ZNF26: variants seen among roughly 807,000 people sequenced by gnomAD.
ZNF26 encodes zinc finger protein 26, also known as epididymis luminal protein 179.
Under a neutral mutation model 54.9 loss-of-function variants are expected in ZNF26, and 32 were observed. That is an observed-to-expected ratio of 0.58 (90% CI 0.44 to 0.78). ZNF26 has a LOEUF of 0.78. ZNF26 is among the 30% of genes least tolerant of loss of function. ZNF26 has a pLI of 0.00. For missense variants in ZNF26, 524 were observed against 634.0 expected, an observed-to-expected ratio of 0.83 and a Z score of 1.86; for synonymous variants, 221 against 209.2, an observed-to-expected ratio of 1.06 and a Z score of -0.49.
chr12:133,011,209 C>T lies in ZNF26; in HGVS notation c.1330C>T (p.His444Tyr). 4 of 1,614,140 alleles carry T rather than the reference C, an allele frequency of 2.5e-6. No individual in the cohort carries two copies. The highest frequency in any genetic ancestry group is 1.1e-5 in the South Asian group (1 of 91,074). ...TTGTGGAAAATCACAGCTGATTATA[C>T]ATCAGAGAACTCATTCAACTGAGAA... is the stretch of plus-strand genomic sequence containing the variant. ...AFCGKSQLII[H>Y]QRTHSTEKPY... The change falls in exon 4 of 4, where the codon CAT (histidine) becomes TAT (tyrosine). Residue 444 changes from histidine to tyrosine, a missense_variant. By Grantham distance (83) the His-to-Tyr change is moderately conservative. Coordinates refer to ENST00000328654, the MANE Select transcript of ZNF26 (RefSeq NM_019591.4).
rs1430356777 is a variant in ZNF26, at chr12:133,016,710, G to A, written c.*5229G>A. 6.6e-6 allele frequency: 1 copy of A among 151,920 alleles called. No homozygotes were observed. The highest frequency in any genetic ancestry group is 1.5e-5 in the Non-Finnish European group (1 of 68,104). The allele number at this position is 151,920 out of a possible 1,614,324, so 9.4% of individuals were successfully genotyped here. ...GCAGGAGGATTGCTTGAGCCCAGGA[G>A]GTTGAAGCTGCAGTAAGCCATATTT... is the stretch of plus-strand genomic sequence containing the variant. On this transcript the variant is annotated 3_prime_UTR_variant, in exon 4 of 4. Coordinates refer to ENST00000328654, the MANE Select transcript of ZNF26 (RefSeq NM_019591.4).
chr12:133,007,319 C>T, intron 2 of ZNF26, 118 bp from the exon 3 acceptor site: 5 of 1,302,284 alleles, frequency 3.8e-6, no homozygotes, highest in Admixed American at 2.0e-5. Flanking sequence ...GTTTGTCCCA[C>T]ACTTCCTAAT....
intron 3 of ZNF26, among the ~76,000 whole-genome samples, chr12:133,008,786 A>G (rs1309208177): frequency 2.0e-5 from 3 of 150,438 alleles, no homozygotes; most frequent in East Asian, 3.9e-4. Context: ...AAAAAAAAAA[A>G]AAAAAAAAAG....
intron 1 of ZNF26, among the ~76,000 whole-genome samples, chr12:133,003,070 T>C (rs1953252993): frequency 6.6e-6 from 1 of 152,074 alleles, no homozygotes; most frequent in Non-Finnish European, 1.5e-5. Context: ...TCACACCTCA[T>C]TCTCATCATG....
chr12:132,987,334 G>C (rs1040519154), intron 1 of ZNF26, among the ~76,000 whole-genome samples: 3 of 152,200 alleles, frequency 2.0e-5, no homozygotes, highest in Non-Finnish European at 4.4e-5. Flanking sequence ...GCTTTGGTTT[G>C]GTGGAGAGGG....
chr12:133,010,586 A>T lies in ZNF26; in HGVS notation c.707A>T (p.Glu236Val). The change falls in exon 4 of 4, where the codon GAG (glutamate) becomes GTG (valine). Residue 236 changes from glutamate (E) to valine (V), a missense_variant. By Grantham distance (121) the Glu-to-Val change is moderately radical (BLOSUM62 -2). Coordinates refer to ENST00000328654, the MANE Select transcript of ZNF26 (RefSeq NM_019591.4). ...AAACCCTACTCATGTAGTGAGTGCG[A>T]GAAGGTCTTCTCTTTCAGGTCACAG... ...GEKPYSCSEC[E>V]KVFSFRSQLI... 22 of 1,614,164 alleles carry T rather than the reference A, an allele frequency of 1.4e-5. No homozygotes were observed. Among genetic ancestry groups the T allele is most frequent in the Non-Finnish European group, 1.4e-5 (17 of 1,180,020 alleles).
intron 1 of ZNF26, among the ~76,000 whole-genome samples, chr12:132,991,746 T>C (rs1362898444): frequency 6.6e-6 from 1 of 152,094 alleles, no homozygotes; most frequent in African/African-American, 2.4e-5. Context: ...GCTGTGCCAC[T>C]GTACTCCAGC....
In ZNF26 at chr12:133,012,194, A is replaced by G. The variant is rs1388209184; in HGVS notation, c.*713A>G. ...GAACTCATTATAATGAACGTTTATT[A>G]TATTTTGCAGTTCCATGCCTGTTGT... On this transcript the variant is annotated 3_prime_UTR_variant, in exon 4 of 4. Transcript: ENST00000328654. 2 of 152,202 alleles carry G rather than the reference A, an allele frequency of 1.3e-5. No individual in the cohort carries two copies. The highest frequency in any genetic ancestry group is 2.1e-4 in the South Asian group (1 of 4,830). The allele number at this position is 152,202 out of a possible 1,614,324, so 9.4% of individuals were successfully genotyped here.
At chr12:133,004,134 G>GT (rs1353338227) in intron 1 of ZNF26, among the ~76,000 whole-genome samples, 109 of 152,154 alleles carry the variant, frequency 7.2e-4, no homozygotes, top group Non-Finnish European at 1.1e-3. Context: ...TTCTCAGTCG[G>GT]TTTTTTCTCT....
chr12:132,996,451 A>G (rs1953086597), intron 1 of ZNF26, among the ~76,000 whole-genome samples: 1 of 152,242 alleles, frequency 6.6e-6, no homozygotes, highest in African/African-American at 2.4e-5. Flanking sequence ...GTGTTTTAAA[A>G]AAGATAAGAG....
rs1438803476 is a variant in ZNF26, at chr12:133,013,451, T to C, written c.*1970T>C. 6.5e-6 allele frequency: 1 copy of C among 152,798 alleles called. No homozygotes were observed. The highest frequency in any genetic ancestry group is 2.4e-5 in the African/African-American group (1 of 41,480). The allele number at this position is 152,798 out of a possible 1,614,324, so 9.5% of individuals were successfully genotyped here. ...CCTCAAAAAGTTATCCCTTGATAAT[T>C]TGAATAGGAATATCTGGGAAGAACC... On this transcript the variant is annotated 3_prime_UTR_variant, in exon 4 of 4. Coordinates refer to ENST00000328654, the MANE Select transcript of ZNF26 (RefSeq NM_019591.4).
chr12:133,023,052 A>G lies in ZNF26; in HGVS notation c.*11571A>G, dbSNP rs1178200405. 6.6e-6 allele frequency: 1 copy of G among 152,226 alleles called. No homozygotes were observed. The highest frequency in any genetic ancestry group is 2.4e-5 in the African/African-American group (1 of 41,452). The allele number at this position is 152,226 out of a possible 1,614,324, so 9.4% of individuals were successfully genotyped here. A position where few individuals can be genotyped will look rare whatever the true frequency, so the allele number is the denominator to read the frequency against. ...TATTTTTAATTTTCTGTTTGGGTGAAAGATTCAAGAGCATTCGTGAGAATG... is the reference window on the plus strand; with the variant it reads ...TATTTTTAATTTTCTGTTTGGGTGAGAGATTCAAGAGCATTCGTGAGAATG... On this transcript the variant is annotated 3_prime_UTR_variant, in exon 4 of 4. Transcript: ENST00000328654.
intron 1 of ZNF26, among the ~76,000 whole-genome samples, chr12:132,988,847 T>C (rs1952884216): frequency 6.6e-6 from 1 of 152,124 alleles, no homozygotes; most frequent in African/African-American, 2.4e-5. Context: ...AGTATCATTA[T>C]ATATTTTGTT....
rs1587447 is a variant in ZNF26, at chr12:133,019,781, A to C, written c.*8300A>C. On this transcript the variant is annotated 3_prime_UTR_variant, in exon 4 of 4. Coordinates refer to ENST00000328654, the MANE Select transcript of ZNF26 (RefSeq NM_019591.4). ...ACACCTGCACTCTCACGTTTCCTGC[A>C]GCACTATCCACAAGAGCCAAAAAAT... 140,100 of 152,324 alleles carry C rather than the reference A, an allele frequency of 0.92. 64,773 individuals are homozygous for C. Among genetic ancestry groups the C allele is most frequent in the East Asian group, 1 (5,181 of 5,188 alleles). The allele number at this position is 152,324 out of a possible 1,614,324, so 9.4% of individuals were successfully genotyped here.
chr12:133,007,578 G>C, intron 3 of ZNF26, 46 bp downstream of exon 3: 1 of 1,403,248 alleles, frequency 7.1e-7, no homozygotes, highest in Non-Finnish European at 1.0e-6. Flanking sequence ...GGAGTGAGCT[G>C]ATGAGTACCT....
chr12:132,989,176 A>C (rs1239731546), intron 1 of ZNF26, among the ~76,000 whole-genome samples: 1 of 151,790 alleles, frequency 6.6e-6, no homozygotes, highest in African/African-American at 2.4e-5. Flanking sequence ...AGCTGGTACT[A>C]CAGGCATGTG....
rs1011994253 is a variant in ZNF26, at chr12:133,017,164, A to G, written c.*5683A>G. On this transcript the variant is annotated 3_prime_UTR_variant, in exon 4 of 4. Transcript: ENST00000328654. ...TTTGATGGTACAAAAATATGGAAAT[A>G]AGCCCCAGAAAATAACAGTATGTAA... 12 of 152,238 alleles carry G rather than the reference A, an allele frequency of 7.9e-5. No individual in the cohort carries two copies. Among genetic ancestry groups the G allele is most frequent in the African/African-American group, 2.9e-4 (12 of 41,452 alleles). The allele number at this position is 152,238 out of a possible 1,614,324, so 9.4% of individuals were successfully genotyped here.
Position 133,018,767 on chromosome 12 carries a change from C to CTATTT in ZNF26, c.*7302_*7306dup, listed in dbSNP as rs1270897593. 3.3e-5 allele frequency: 5 copies of CTATTT among 152,032 alleles called. No individual in the cohort carries two copies. Among genetic ancestry groups the CTATTT allele is most frequent in the Non-Finnish European group, 7.4e-5 (5 of 68,020 alleles). 9.4% of individuals were successfully genotyped at this position (152,032 alleles called of 1,614,324 possible). The stretch of plus-strand genomic sequence containing the variant: ...AGCAATTCTCCCACCTCCCACCTGG[C>CTATTT]TATTTTATTTTATTTTATTTATTTA... On this transcript the variant is annotated 3_prime_UTR_variant, in exon 4 of 4. Transcript: ENST00000328654.
intron 1 of ZNF26, among the ~76,000 whole-genome samples, chr12:132,991,792 T>C (rs896054672): frequency 1.3e-5 from 2 of 151,968 alleles, no homozygotes; most frequent in Admixed American, 6.5e-5. Flanking sequence ...AAAAAAATGA[T>C]CAGAAAAAAA....
Sources: allele counts gnomAD v4.1 joint callset (sites outside exome capture counted in the v4.1 genomes callset), GRCh38; gene constraint gnomAD v4.1.1; transcripts MANE v1.5; gene names NCBI Gene and HGNC (gene_info 2026-07-23, HGNC 2026-07-21).